Variants in ZIC4 observed in about 807,000 individuals in gnomAD.
ZIC4 encodes zinc finger protein ZIC 4.
A neutral mutation model predicts 28.8 loss-of-function variants in ZIC4; 15 were observed. The ratio of observed to expected loss-of-function variants is 0.52; its 90% CI spans 0.35 to 0.80. The LOEUF is 0.80. Ranked by LOEUF, ZIC4 falls within the 30% of genes least tolerant of loss-of-function variation. The pLI is 0.01. For missense variants in ZIC4, 512 were observed against 467.1 expected, an observed-to-expected ratio of 1.10 and a Z score of -0.89; for synonymous variants, 220 against 198.1, an observed-to-expected ratio of 1.11 and a Z score of -0.93.
chr3:147,388,229 T>A lies in ZIC4; in HGVS notation c.*630A>T, dbSNP rs1368002422. Reference sequence around the variant, plus strand: ...TGTCTGTAGTGAAGTGTGCCGCCTTTGAAGCGGCCGCTCCCCGCGCGTATT... The same window carrying A: ...TGTCTGTAGTGAAGTGTGCCGCCTTAGAAGCGGCCGCTCCCCGCGCGTATT... On this transcript the variant is annotated 3_prime_UTR_variant, in exon 5 of 5. Coordinates refer to ENST00000383075, the MANE Select transcript of ZIC4 (RefSeq NM_032153.6). 1 of 152,950 alleles carries A rather than the reference T, an allele frequency of 6.5e-6. No individual in the cohort carries two copies. The highest frequency in any genetic ancestry group is 2.4e-5 in the African/African-American group (1 of 41,450). 9.5% of individuals were successfully genotyped at this position (152,950 alleles called of 1,614,324 possible). A position where few individuals can be genotyped will look rare whatever the true frequency, so the allele number is the denominator to read the frequency against.
rs190931280 is a variant in ZIC4 at position 147,388,874 on chromosome 3, T to C, written c.*-15A>G. The C allele has an allele frequency of 3.8e-6, 3 of 779,746 alleles. No individual in the cohort carries two copies. The highest frequency in any genetic ancestry group is 1.7e-5 in the Admixed American group (1 of 58,656). The allele number at this position is 779,746 out of a possible 1,614,324, so 48.3% of individuals were successfully genotyped here. A position where few individuals can be genotyped will look rare whatever the true frequency, so the allele number is the denominator to read the frequency against. ...GCGGTGGACATCTGTAACAAGCAAATGAAAAATTAAAGGCGATTAGTGGCC... is the reference window on the plus strand; with the variant it reads ...GCGGTGGACATCTGTAACAAGCAAACGAAAAATTAAAGGCGATTAGTGGCC... On this transcript the variant is annotated splice_polypyrimidine_tract_variant and intron_variant, in intron 4 of 4. Coordinates refer to ENST00000383075, the MANE Select transcript of ZIC4 (RefSeq NM_032153.6).
intron 1 of ZIC4, chr3:147,404,409 G>T: frequency 1.6e-6 from 1 of 606,512 alleles, no homozygotes; most frequent in Non-Finnish European, 2.2e-6. Flanking sequence ...CCATCACACA[G>T]CCTACACAGG....
chr3:147,402,413 G>C (rs1243038437), intron 2 of ZIC4, among the ~76,000 whole-genome samples: 1 of 152,170 alleles, frequency 6.6e-6, no homozygotes, highest in Non-Finnish European at 1.5e-5. Context: ...AGAATAACGT[G>C]ACAGTGGAAT....
At chr3:147,390,746 G>T (rs1404699313) in intron 4 of ZIC4, among the ~76,000 whole-genome samples, 185 bp downstream of exon 4, 1 of 152,100 alleles carries the variant, frequency 6.6e-6, no homozygotes, top group East Asian at 1.9e-4. Flanking sequence ...CCTTCCTTCC[G>T]CCCTCGCCCT....
Position 147,402,731 on chromosome 3 carries a change from A to G in ZIC4, c.67T>C (p.Ser23Pro), listed in dbSNP as rs1482400691. 1 of 1,604,140 alleles carries G rather than the reference A, an allele frequency of 6.2e-7. No individual in the cohort carries two copies. The highest frequency in any genetic ancestry group is 8.5e-7 in the Non-Finnish European group (1 of 1,175,104). ...TCAAAGGAGGATTTTAACTTACTTG[A>G]CTCTTTAAGAGTGTTTCGGTAAAGC... is the stretch of plus-strand genomic sequence containing the variant. The part of the protein sequence containing the change: ...LRLYRNTLKE[S>P]SSSSGHHGPQ... Residue 23 changes from serine (S) to proline (P), a missense_variant, in exon 2 of 5, where the codon TCA (serine) becomes CCA (proline). This residue lies in a region of ZIC4 where 310 missense variants were observed against 256.5 expected (regional missense o/e 1.21). Transcript: ENST00000383075.
intron 1 of ZIC4, chr3:147,403,705 T>G (rs1377866343): frequency 6.0e-6 from 2 of 330,644 alleles, no homozygotes; most frequent in African/African-American, 4.2e-5. Flanking sequence ...GGTCTCAGGC[T>G]GGACAAACAC....
chr3:147,388,720 A>G lies in ZIC4; in HGVS notation c.*139T>C, dbSNP rs910113936. The G allele has an allele frequency of 1.5e-6, 1 of 675,958 alleles. No individual in the cohort carries two copies. Among genetic ancestry groups the G allele is most frequent in the South Asian group, 1.7e-5 (1 of 57,832 alleles). The allele number at this position is 675,958 out of a possible 1,614,324, so 41.9% of individuals were successfully genotyped here. ...TTCAGTGCGACTTGCACATTGCCAT[A>G]GAAATCCTAACTTACCATGAAGATG... On this transcript the variant is annotated 3_prime_UTR_variant, in exon 5 of 5. Coordinates refer to ENST00000383075, the MANE Select transcript of ZIC4 (RefSeq NM_032153.6).
At chr3:147,392,561 G>C (rs1287436742) in intron 3 of ZIC4, 1 of 470,210 alleles carries the variant, frequency 2.1e-6, no homozygotes, top group African/African-American at 2.1e-5. Context: ...CTGCCTCCCA[G>C]CGCTCTGAGT....
At chr3:147,394,091 T>C (rs1453109675) in intron 3 of ZIC4, 1 of 392,290 alleles carries the variant, frequency 2.5e-6, no homozygotes, top group Admixed American at 3.0e-5. Context: ...GTGAGGTCTA[T>C]TGCCATTTGA....
rs1211396594 is a variant in ZIC4, at chr3:147,396,279, G to A, written c.261C>T (p.Asp87=). The A allele has an allele frequency of 9.9e-6, 16 of 1,609,602 alleles. No individual in the cohort carries two copies. The highest frequency in any genetic ancestry group is 1.3e-5 in the Non-Finnish European group (15 of 1,178,054). Residue 87 remains aspartate, a synonymous_variant, in exon 3 of 5, where the codon GAC becomes GAT. Transcript: ENST00000383075. This position sits in a 1 kb window ranked among gnomAD's most constrained non-coding sequence, Gnocchi z 4.2. ...PFPPGPAARS[D]ALAAAAALHG... ...GCAGGGCTGCGGCAGCTGCCAGGGC[G>A]TCGCTGCGGGCCGCAGGCCCTGGCG...
In ZIC4 at chr3:147,402,745, T is replaced by C; in HGVS notation, c.53A>G (p.Asn18Ser). 1 of 1,613,856 alleles carries C rather than the reference T, an allele frequency of 6.2e-7. No individual in the cohort carries two copies. Among genetic ancestry groups the C allele is most frequent in the Non-Finnish European group, 8.5e-7 (1 of 1,179,896 alleles). ...TAACTTACTTGACTCTTTAAGAGTG[T>C]TTCGGTAAAGCCGTAATCGTTTCCT... Reference protein sequence around the residue: ...VMRKRLRLYRNTLKESSSSSG... With the variant: ...VMRKRLRLYRSTLKESSSSSG... Residue 18 changes from asparagine (N) to serine (S), a missense_variant, in exon 2 of 5, where the codon AAC becomes AGC. Asn to Ser is a conservative substitution (Grantham distance 46, BLOSUM62 1). Transcript: ENST00000383075.
chr3:147,405,308 G>C (rs2087250690), intron 1 of ZIC4: 1 of 1,417,970 alleles, frequency 7.1e-7, no homozygotes, highest in Admixed American at 2.4e-5. Flanking sequence ...GGAGAAAAAA[G>C]AGCAGCATGC....
At position 147,388,174 on chromosome 3, in the gene ZIC4, A is replaced by C. The variant is rs748522765; in HGVS notation, c.*685T>G. 6.6e-6 allele frequency: 1 copy of C among 152,640 alleles called. No homozygotes were observed. Among genetic ancestry groups the C allele is most frequent in the Non-Finnish European group, 1.5e-5 (1 of 68,070 alleles). The allele number at this position is 152,640 out of a possible 1,614,324, so 9.5% of individuals were successfully genotyped here. On this transcript the variant is annotated 3_prime_UTR_variant, in exon 5 of 5. Coordinates refer to ENST00000383075, the MANE Select transcript of ZIC4 (RefSeq NM_032153.6). ...TGACAGTATTAAATGGCGTGAAAGC[A>C]AAGGTCAGCGCAAATGTATCTTAAT...
intron 3 of ZIC4, 32 bp downstream of exon 3, chr3:147,395,820 T>G (rs745757137): frequency 6.3e-6 from 10 of 1,582,754 alleles, no homozygotes; most frequent in Non-Finnish European, 8.6e-6. Context: ...CCCCAGAGGG[T>G]CCGCACGCGA....
chr3:147,395,292 G>C (rs58000387), intron 3 of ZIC4, among the ~76,000 whole-genome samples: 194 of 152,234 alleles, frequency 1.3e-3, no homozygotes, highest in African/African-American at 4.3e-3. Context: ...AGGTGGATAG[G>C]TCTGTGCTAA....
Position 147,396,501 on chromosome 3 carries a change from CG to C in ZIC4, c.71-33del. On this transcript the variant is annotated intron_variant, in intron 2 of 4. Transcript: ENST00000383075. The surrounding 1 kb of genome is among the most constrained non-coding windows in gnomAD (Gnocchi z 4.2). ...TCGAAACAAATAGCGCGCATGAGAACGGGTGGCGTGGGCTGCGCGCTCTTCC... is the reference window on the plus strand; with the variant it reads ...TCGAAACAAATAGCGCGCATGAGAACGGTGGCGTGGGCTGCGCGCTCTTCC... 1 of 1,497,030 alleles carries C rather than the reference CG, an allele frequency of 6.7e-7. No homozygotes were observed. The highest frequency in any genetic ancestry group is 1.4e-5 in the South Asian group (1 of 73,408). The allele number at this position is 1,497,030 out of a possible 1,614,324, so 92.7% of individuals were successfully genotyped here. A position where few individuals can be genotyped will look rare whatever the true frequency, so the allele number is the denominator to read the frequency against.
intron 4 of ZIC4, 188 bp from the exon 5 acceptor site, chr3:147,389,047 C>T: frequency 1.6e-6 from 1 of 613,738 alleles, no homozygotes; most frequent in Non-Finnish European, 2.9e-6. Flanking sequence ...CGCAAATGCC[C>T]TCTGCACCTT....
chr3:147,392,432 A>T, intron 3 of ZIC4: 1 of 985,418 alleles, frequency 1.0e-6, no homozygotes, highest in Non-Finnish European at 1.2e-6. Context: ...CGGCCAGCTG[A>T]ATTCGCTGAC....
intron 4 of ZIC4, among the ~76,000 whole-genome samples, chr3:147,389,654 T>C (rs2086869338): frequency 6.6e-6 from 1 of 152,182 alleles, no homozygotes; most frequent in African/African-American, 2.4e-5. Context: ...GCCCCCTCCT[T>C]CAACATCTGG....
Sources: allele counts gnomAD v4.1 joint callset (sites outside exome capture counted in the v4.1 genomes callset), GRCh38; gene constraint gnomAD v4.1.1; regional missense constraint gnomAD v4.1.1; non-coding constraint Gnocchi (gnomAD v3.1); transcripts MANE v1.5; gene names NCBI Gene and HGNC (gene_info 2026-07-23, HGNC 2026-07-21).